The following CD99 variants were observed in gnomAD, a reference collection of about 807,000 sequenced individuals.
CD99 encodes the protein CD99 antigen.
In CD99, 19 loss-of-function variants were observed where a neutral mutation model predicts 28.4. That is an observed-to-expected ratio of 0.67 (90% CI 0.47 to 0.98). The LOEUF (loss-of-function observed/expected upper bound fraction) is 0.98, where lower values mean the gene tolerates loss of function less well. CD99 is among the 50% of genes least tolerant of loss of function. CD99 has a pLI of 0.00. For missense variants in CD99, 283 were observed against 248.8 expected (o/e 1.14, Z -0.92); for synonymous variants, 103 against 92.1 (o/e 1.12, Z -0.67).
At chrX:2,713,196 T>C (rs1489835011) in intron 1 of CD99, among the ~76,000 whole-genome samples, 1 of 150,232 alleles carries the variant, frequency 6.7e-6, no homozygotes, top group Non-Finnish European at 1.5e-5. Context: ...CACACATGCA[T>C]ACAGAACCCA....
intron 8 of CD99, among the ~76,000 whole-genome samples, chrX:2,730,196 G>A (rs1274273453): frequency 4.0e-5 from 6 of 149,400 alleles, no homozygotes; most frequent in African/African-American, 1.2e-4. Context: ...TTTTTGAGAC[G>A]GAGTCTCACT....
Position 2,732,555 on chromosome X carries a change from A to C in CD99, c.476-5645A>C, listed in dbSNP as rs1294908041. Reference sequence around the variant, plus strand: ...CTTTTCTCTTTCTTCCTTTGCCCTCAGTTCTCCCTCTCTCTCTCTTTTCAT... The same window carrying C: ...CTTTTCTCTTTCTTCCTTTGCCCTCCGTTCTCCCTCTCTCTCTCTTTTCAT... On this transcript the variant is annotated intron_variant, in intron 8 of 9. Coordinates refer to ENST00000381192, the MANE Select transcript of CD99 (RefSeq NM_002414.5). Among the ~76,000 whole-genome samples, 20 of 110,054 alleles carry C rather than the reference A, an allele frequency of 1.8e-4. No homozygotes were observed. The Admixed American group carries it at 1.9e-3, about 11-fold the overall frequency. The allele number at this position is 110,054 out of a possible 152,430, so 72.2% of individuals were successfully genotyped here.
At chrX:2,739,850 CG>C (rs2124341020) in intron 9 of CD99, among the ~76,000 whole-genome samples, 1 of 145,052 alleles carries the variant, frequency 6.9e-6, no homozygotes, top group East Asian at 2.1e-4. Context: ...CTGAGGTGGG[CG>C]GATCACCTGA....
chrX:2,727,348 G>A (rs761967202), intron 8 of CD99: 1 of 779,028 alleles, frequency 1.3e-6, no homozygotes, highest in Non-Finnish European at 2.4e-6. Context: ...AAGCTGGGAA[G>A]TAAGCCCTGC....
chrX:2,737,863 C>CTTTTT, intron 8 of CD99: 1 of 413,992 alleles, frequency 2.4e-6, no homozygotes, highest in Non-Finnish European at 4.5e-6. Context: ...GATGCACGTA[C>CTTTTT]TTTTTTTTTT....
intron 2 of CD99, chrX:2,715,653 G>C (rs1372768517): frequency 6.6e-6 from 1 of 151,832 alleles, no homozygotes; most frequent in African/African-American, 2.4e-5. Flanking sequence ...TTAGGATGTA[G>C]ATATATCTTT....
chrX:2,714,432 C>A lies in CD99; in HGVS notation c.78C>A (p.Phe26Leu). Residue 26 changes from phenylalanine (F) to leucine (L), a missense_variant, in exon 2 of 10, where the codon TTC (phenylalanine) becomes TTA (leucine). By Grantham distance (22) the Phe-to-Leu change is conservative (BLOSUM62 0). Transcript: ENST00000381192. ...GVLVAAPDGG[F>L]DLSDALPDNE... Reference sequence around the variant, plus strand: ...TTTTTTCTCTCTTAGATGGTGGTTTCGATTTATCCGATGCCCTTCCTGGTG... The same window carrying A: ...TTTTTTCTCTCTTAGATGGTGGTTTAGATTTATCCGATGCCCTTCCTGGTG... The A allele has an allele frequency of 6.3e-7, 1 of 1,599,570 alleles. No homozygotes were observed. The highest frequency in any genetic ancestry group is 8.6e-7 in the Non-Finnish European group (1 of 1,168,676).
chrX:2,731,576 G>A (rs2049609333), intron 8 of CD99, among the ~76,000 whole-genome samples: 1 of 152,188 alleles, frequency 6.6e-6, no homozygotes, highest in Non-Finnish European at 1.5e-5. Context: ...GGACAAGAGC[G>A]AGACTTTGTC....
intron 8 of CD99, chrX:2,733,372 G>T: frequency 1.3e-6 from 2 of 1,592,332 alleles, no homozygotes; most frequent in East Asian, 2.3e-5. Context: ...TGAAGACCTA[G>T]GGGTGAGCAG....
chrX:2,716,419 C>G (rs904696577), intron 2 of CD99, among the ~76,000 whole-genome samples: 23 of 152,112 alleles, frequency 1.5e-4, no homozygotes, highest in Non-Finnish European at 3.2e-4. Flanking sequence ...TCACTGCAGC[C>G]TTGACCGTCT....
In CD99 at chrX:2,703,268, T is replaced by C. The variant is rs912869326; in HGVS notation, c.68-11154T>C. Among the ~76,000 whole-genome samples, 281 of 152,294 alleles carry C rather than the reference T, an allele frequency of 1.8e-3. 3 individuals are homozygous for C. The highest frequency in any genetic ancestry group is 3.6e-3 in the Non-Finnish European group (244 of 68,020). On this transcript the variant is annotated intron_variant, in intron 1 of 9. Transcript: ENST00000381192. ...GCGCTTTCAAATATCCCCAAGTCGG[T>C]GCTGACATGCTACCTAGCGTCCCTA...
chrX:2,731,381 G>A (rs2049596245), intron 8 of CD99, among the ~76,000 whole-genome samples: 2 of 152,208 alleles, frequency 1.3e-5, no homozygotes, highest in Admixed American at 1.3e-4. Context: ...CCTGAGGTCA[G>A]GAGTTTGAGA....
At chrX:2,709,520 C>T (rs2048286865) in intron 1 of CD99, among the ~76,000 whole-genome samples, 1 of 152,262 alleles carries the variant, frequency 6.6e-6, no homozygotes, top group African/African-American at 2.4e-5. Flanking sequence ...CATGAAAACA[C>T]GTGTGCACAC....
intron 8 of CD99, chrX:2,727,332 G>A (rs749182424): frequency 2.7e-5 from 21 of 779,070 alleles, no homozygotes; most frequent in Middle Eastern, 2.2e-4. Flanking sequence ...ATTGGGATCC[G>A]CCGTGAAGCT....
chrX:2,720,994 A>G (rs1178851101), intron 5 of CD99, among the ~76,000 whole-genome samples: 2 of 152,176 alleles, frequency 1.3e-5, no homozygotes, highest in Non-Finnish European at 2.9e-5. Flanking sequence ...AATAATTTAA[A>G]TGTAGACTTG....
chrX:2,737,414 G>A (rs1275405999), intron 8 of CD99, among the ~76,000 whole-genome samples: 3 of 6,518 alleles, frequency 4.6e-4, no homozygotes, highest in Non-Finnish European at 7.7e-4. Context: ...TTGACCTCGT[G>A]ATCCGCCCGC....
At chrX:2,733,395 A>C in intron 8 of CD99, 1 of 1,591,396 alleles carries the variant, frequency 6.3e-7, no homozygotes, top group Non-Finnish European at 8.6e-7. Context: ...AACCCAGCCC[A>C]GGCCTGCGGA....
intron 1 of CD99, among the ~76,000 whole-genome samples, chrX:2,693,933 A>T (rs2047449349): frequency 6.6e-6 from 1 of 152,186 alleles, no homozygotes; most frequent in African/African-American, 2.4e-5. Flanking sequence ...AGCTGCTCAG[A>T]ATCTTTCAAG....
chrX:2,709,667 CAT>C (rs2048299846), intron 1 of CD99, among the ~76,000 whole-genome samples: 1 of 152,262 alleles, frequency 6.6e-6, no homozygotes. Flanking sequence ...CACATGTACA[CAT>C]GAGCACATCC....
Sources: allele counts gnomAD v4.1 joint callset (sites outside exome capture counted in the v4.1 genomes callset), GRCh38; gene constraint gnomAD v4.1.1; transcripts MANE v1.5; gene names NCBI Gene and HGNC (gene_info 2026-07-23, HGNC 2026-07-21).